Variants in PLCL1 observed in about 807,000 individuals in gnomAD.
PLCL1 encodes the protein inactive phospholipase C-like protein 1.
Under a neutral mutation model 84.4 loss-of-function variants are expected in PLCL1, and 41 were observed. The ratio of observed to expected loss-of-function variants is 0.49; its 90% confidence interval spans 0.38 to 0.63. PLCL1 has a LOEUF of 0.63. Ranked by LOEUF, PLCL1 falls within the 30% of genes least tolerant of loss-of-function variation. The pLI is 0.00. For missense variants in PLCL1, 1,206 were observed against 1,367.8 expected (o/e 0.88, Z 1.87); for synonymous variants, 490 against 488.3 (o/e 1.00, Z -0.05).
chr2:197,941,149 CA>C (rs1398917289), intron 1 of PLCL1, among the ~76,000 whole-genome samples: 1 of 152,122 alleles, frequency 6.6e-6, no homozygotes, highest in Non-Finnish European at 1.5e-5. Flanking sequence ...TGTTTAAAAA[CA>C]AATGTTGCCC....
chr2:197,987,724 T>C (rs1208712005), intron 1 of PLCL1, among the ~76,000 whole-genome samples: 1 of 152,162 alleles, frequency 6.6e-6, no homozygotes, highest in Admixed American at 6.6e-5. Flanking sequence ...TAATTAGAAA[T>C]GCCAAAATGA....
intron 1 of PLCL1, among the ~76,000 whole-genome samples, chr2:197,850,005 GACACACAGACACACAGACACACACAGAC>G (rs1357954975): frequency 6.2e-5 from 8 of 128,644 alleles, no homozygotes; most frequent in African/African-American, 2.3e-4. Flanking sequence ...TAAACACACA[GACACACAGACACACAGACACACACAGAC>G]ACACACACAC....
chr2:198,069,332 A>G (rs1692409409), intron 1 of PLCL1, among the ~76,000 whole-genome samples: 1 of 152,030 alleles, frequency 6.6e-6, no homozygotes, highest in Non-Finnish European at 1.5e-5. Context: ...CTCTACAGAG[A>G]TAAAGAAACA....
intron 1 of PLCL1, among the ~76,000 whole-genome samples, chr2:198,014,227 G>T (rs1447322269): frequency 1.3e-5 from 2 of 152,116 alleles, no homozygotes; most frequent in African/African-American, 2.4e-5. Flanking sequence ...AGGTAGAAAA[G>T]TTTGGGGTTG....
chr2:197,907,780 A>C (rs1167803365), intron 1 of PLCL1, among the ~76,000 whole-genome samples: 1 of 152,052 alleles, frequency 6.6e-6, no homozygotes, highest in African/African-American at 2.4e-5. Flanking sequence ...CTCTTTTTCA[A>C]TGGTTCTCAG....
At chr2:197,977,543 GT>G (rs1559062463) in intron 1 of PLCL1, among the ~76,000 whole-genome samples, 1 of 152,092 alleles carries the variant, frequency 6.6e-6, no homozygotes, top group Non-Finnish European at 1.5e-5. Context: ...CCACCTACTT[GT>G]TTCTTTTTTT....
chr2:197,825,043 C>T (rs1161034018), intron 1 of PLCL1, among the ~76,000 whole-genome samples: 1 of 151,982 alleles, frequency 6.6e-6, no homozygotes, highest in African/African-American at 2.4e-5. Context: ...TGCTGAAAAT[C>T]AGAGGTGTCT....
intron 1 of PLCL1, among the ~76,000 whole-genome samples, chr2:197,807,940 T>C (rs1690515393): frequency 6.6e-6 from 1 of 152,222 alleles, no homozygotes; most frequent in South Asian, 2.1e-4. Context: ...AGAATGTTTT[T>C]AGTAAATTTG....
chr2:198,079,830 A>G (rs1020236036), intron 1 of PLCL1, among the ~76,000 whole-genome samples: 47 of 152,356 alleles, frequency 3.1e-4, no homozygotes, highest in East Asian at 1.9e-4. Flanking sequence ...AAAGGATTGA[A>G]TTCAATGTCT....
At chr2:198,118,134 C>A (rs10180112) in intron 5 of PLCL1, among the ~76,000 whole-genome samples, 2 of 151,760 alleles carry the variant, frequency 1.3e-5, no homozygotes, top group Non-Finnish European at 2.9e-5. Flanking sequence ...AATGTATTCT[C>A]AGCTGTTCTT....
chr2:198,054,651 C>T (rs1289180922), intron 1 of PLCL1, among the ~76,000 whole-genome samples: 1 of 152,234 alleles, frequency 6.6e-6, no homozygotes, highest in Non-Finnish European at 1.5e-5. Context: ...GTCAGTGCAA[C>T]ATTTGCAAGA....
At chr2:198,094,732 C>A (rs777588426) in intron 3 of PLCL1, among the ~76,000 whole-genome samples, 1 of 152,014 alleles carries the variant, frequency 6.6e-6, no homozygotes, top group Non-Finnish European at 1.5e-5. Flanking sequence ...CTGGGAGAAG[C>A]GAGAGATGGT....
At chr2:197,971,343 G>A (rs1689859665) in intron 1 of PLCL1, among the ~76,000 whole-genome samples, 1 of 152,202 alleles carries the variant, frequency 6.6e-6, no homozygotes, top group African/African-American at 2.4e-5. Context: ...AGTAAAATAG[G>A]TGGTAAAAAG....
At chr2:198,009,922 T>C (rs1032944496) in intron 1 of PLCL1, among the ~76,000 whole-genome samples, 6 of 152,062 alleles carry the variant, frequency 3.9e-5, no homozygotes, top group Admixed American at 3.9e-4. Context: ...TTCCTAAGTA[T>C]TTAATCCTTC....
rs1186251514 is a variant in PLCL1, at chr2:197,808,428, A to G, written c.240+3089A>G. On this transcript the variant is annotated intron_variant, in intron 1 of 5. Coordinates refer to ENST00000428675, the MANE Select transcript of PLCL1 (RefSeq NM_006226.4). ...TTGATATCAAACTTATAGCATTTAA[A>G]ATATTTAACATTTTAGATTATTGCT... Among the ~76,000 whole-genome samples, 3 of 152,220 alleles carry G rather than the reference A, an allele frequency of 2.0e-5. No individual in the cohort carries two copies. The East Asian group carries it at 5.8e-4, about 29-fold the overall frequency.
At position 198,084,874 on chromosome 2, in the gene PLCL1, G is replaced by A; in HGVS notation, c.1357G>A (p.Glu453Lys). 1 of 1,614,006 alleles carries A rather than the reference G, an allele frequency of 6.2e-7. No homozygotes were observed. The highest frequency in any genetic ancestry group is 2.2e-5 in the East Asian group (1 of 44,878). The change falls in exon 2 of 6, where the codon GAA becomes AAA. Residue 453 changes from glutamate (E) to lysine (K), a missense_variant. Glu to Lys is a moderately conservative substitution (Grantham distance 56). Coordinates refer to ENST00000428675, the MANE Select transcript of PLCL1 (RefSeq NM_006226.4). ...ELDVSDGSDN[E>K]PILCNRNNMT... ...CGATGTAAGTGATGGTTCAGATAAT[G>A]AACCAATCCTTTGTAATCGAAATAA... is the stretch of plus-strand genomic sequence containing the variant.
intron 1 of PLCL1, among the ~76,000 whole-genome samples, chr2:198,081,495 A>G (rs1324518557): frequency 6.6e-6 from 1 of 152,230 alleles, no homozygotes; most frequent in African/African-American, 2.4e-5. Flanking sequence ...CTAATAGATC[A>G]TCTGTGTATA....
intron 1 of PLCL1, among the ~76,000 whole-genome samples, chr2:198,012,741 A>T (rs1690900305): frequency 6.7e-6 from 1 of 150,350 alleles, no homozygotes; most frequent in African/African-American, 2.4e-5. Context: ...ATAAAAATTT[A>T]TATATATTAC....
At chr2:197,829,860 C>T (rs1691019177) in intron 1 of PLCL1, among the ~76,000 whole-genome samples, 1 of 152,120 alleles carries the variant, frequency 6.6e-6, no homozygotes, top group Admixed American at 6.5e-5. Flanking sequence ...CAGTGGTTGC[C>T]TTTTATGACT....
Sources: gnomAD v4.1 joint callset for allele counts (sites outside exome capture counted in the v4.1 genomes callset) on GRCh38, gnomAD v4.1.1 for gene constraint, MANE v1.5 for transcripts, NCBI Gene and HGNC (gene_info 2026-07-23, HGNC 2026-07-21) for gene names.